FBXO6: variants seen among roughly 807,000 people sequenced by gnomAD.
The protein encoded by FBXO6 is F-box only protein 6.
In FBXO6, 13 loss-of-function variants were observed where a neutral mutation model predicts 25.0. That is an observed-to-expected ratio of 0.52 (90% CI 0.34 to 0.83). The LOEUF (loss-of-function observed/expected upper bound fraction) is 0.83. Ranked by LOEUF, FBXO6 falls within the 40% of genes least tolerant of loss-of-function variation. FBXO6 has a pLI of 0.02. For synonymous variants in FBXO6, 138 were observed against 155.3 expected, an observed-to-expected ratio of 0.89 and a Z score of 0.83; for missense variants, 370 against 380.2, an observed-to-expected ratio of 0.97 and a Z score of 0.22.
intron 1 of FBXO6, among the ~76,000 whole-genome samples, chr1:11,666,982 A>C (rs1029849867): frequency 2.0e-5 from 3 of 152,052 alleles, no homozygotes; most frequent in Non-Finnish European, 2.9e-5. Context: ...CCCTGTCTCT[A>C]CTAAAAATAC....
intron 1 of FBXO6, among the ~76,000 whole-genome samples, chr1:11,666,672 G>T (rs1292796715): frequency 6.6e-6 from 1 of 152,060 alleles, no homozygotes; most frequent in Admixed American, 6.5e-5. Flanking sequence ...TTGAGCCACC[G>T]CACCCGGCCT....
chr1:11,665,042 C>CATCT (rs1553166527), intron 1 of FBXO6, among the ~76,000 whole-genome samples: 1 of 150,576 alleles, frequency 6.6e-6, no homozygotes, highest in East Asian at 1.9e-4. Context: ...AAGCTGCCAG[C>CATCT]ATTTATTTAT....
chr1:11,668,223 T>A (rs2100689015), intron 1 of FBXO6, among the ~76,000 whole-genome samples: 2 of 152,242 alleles, frequency 1.3e-5, no homozygotes, highest in African/African-American at 4.8e-5. Context: ...CACAACCCAC[T>A]GGCTTTAAAA....
chr1:11,666,131 C>T (rs1180509243), intron 1 of FBXO6, among the ~76,000 whole-genome samples: 1 of 144,532 alleles, frequency 6.9e-6, no homozygotes, highest in Non-Finnish European at 1.5e-5. Context: ...CCAGCAGGCT[C>T]CTTCTTTCCC....
At chr1:11,668,546 G>A (rs1037567661) in intron 1 of FBXO6, 110 bp from the exon 2 acceptor site, 17 of 1,367,918 alleles carry the variant, frequency 1.2e-5, no homozygotes, top group Non-Finnish European at 1.6e-5. Context: ...CCAGGCATGT[G>A]CCACCACACC....
chr1:11,669,921 G>A (rs1261085838), intron 2 of FBXO6, among the ~76,000 whole-genome samples: 1 of 139,092 alleles, frequency 7.2e-6, no homozygotes, highest in African/African-American at 2.6e-5. Flanking sequence ...ACAGGCGTGA[G>A]CCACCACACC....
rs866540159 is a variant in FBXO6 at position 11,664,242 on chromosome 1, C to T, written c.-17C>T. 2 of 152,312 alleles carry T rather than the reference C, an allele frequency of 1.3e-5. No individual in the cohort carries two copies. The highest frequency in any genetic ancestry group is 3.4e-3 in the Middle Eastern group (1 of 294). The allele number at this position is 152,312 out of a possible 1,614,324, so 9.4% of individuals were successfully genotyped here. The stretch of plus-strand genomic sequence containing the variant: ...CGCAGGCCGCAGCGAGGGCCCGGGC[C>T]CTGGGGATCCCAGGTTCGTCTTCCC... On this transcript the variant is annotated 5_prime_UTR_variant, in exon 1 of 6. Transcript: ENST00000376753.
In FBXO6 at chr1:11,673,398, G is replaced by A. The variant is rs1640683663; in HGVS notation, c.631G>A (p.Ala211Thr). Residue 211 changes from alanine to threonine, a missense_variant, in exon 5 of 6, where the codon GCC (alanine) becomes ACC (threonine). Ala to Thr is a moderately conservative substitution (Grantham distance 58). Transcript: ENST00000376753. The surrounding 1 kb of genome is among the most constrained non-coding windows in gnomAD (Gnocchi z 4.3). ...PPVTIQQWNN[A>T]TWTEVSYTFS... ...TGTGACCATCCAACAGTGGAACAAT[G>A]CCACATGGACAGAGGTGAGGCCTCA... 6.2e-7 allele frequency: 1 copy of A among 1,613,886 alleles called. No homozygotes were observed. The highest frequency in any genetic ancestry group is 1.7e-5 in the Admixed American group (1 of 60,002).
Position 11,668,651 on chromosome 1 carries a change from C to G in FBXO6, c.-3-5C>G, listed in dbSNP as rs1417805447. ...TCAGGCTCATAACTGCTGTTGCCCC[C>G]ACAGGCCATGGATGCTCCCCACTCC... is the stretch of plus-strand genomic sequence containing the variant. On this transcript the variant is annotated splice_polypyrimidine_tract_variant and splice_region_variant and intron_variant, in intron 1 of 5. Coordinates refer to ENST00000376753, the MANE Select transcript of FBXO6 (RefSeq NM_018438.6). 6 of 1,606,210 alleles carry G rather than the reference C, an allele frequency of 3.7e-6. No individual in the cohort carries two copies. The Admixed American group carries it at 6.7e-5, about 18-fold the overall frequency.
At position 11,673,440 on chromosome 1, in the gene FBXO6, AC is replaced by A; in HGVS notation, c.645+31del. On this transcript the variant is annotated intron_variant, in intron 5 of 5. Coordinates refer to ENST00000376753, the MANE Select transcript of FBXO6 (RefSeq NM_018438.6). The surrounding 1 kb of genome is among the most constrained non-coding windows in gnomAD (Gnocchi z 4.3). ...GAGGCCTCACCCACTTGCTCTCTCT[AC>A]CCACTCCTCCCAGGGCCAGGATGGC... 6.2e-7 allele frequency: 1 copy of A among 1,609,452 alleles called. No homozygotes were observed. The highest frequency in any genetic ancestry group is 8.5e-7 in the Non-Finnish European group (1 of 1,177,282).
chr1:11,671,235 G>C (rs1167325436), intron 2 of FBXO6, 31 bp from the exon 3 acceptor site: 1 of 1,607,602 alleles, frequency 6.2e-7, no homozygotes, highest in Non-Finnish European at 8.5e-7. Context: ...ATTTACACAG[G>C]GGGTCTCACC....
In FBXO6 at chr1:11,671,329, C is replaced by G. The variant is rs374415726; in HGVS notation, c.350C>G (p.Pro117Arg). 1.2e-6 allele frequency: 2 copies of G among 1,614,154 alleles called. No individual in the cohort carries two copies. The highest frequency in any genetic ancestry group is 2.7e-5 in the African/African-American group (2 of 75,024). Residue 117 changes from proline (P) to arginine (R), a missense_variant, in exon 3 of 6, where the codon CCT becomes CGT. Coordinates refer to ENST00000376753, the MANE Select transcript of FBXO6 (RefSeq NM_018438.6). Reference sequence around the variant, plus strand: ...GACCGCTGGAAGGTGGAGAGCCTCCCTGGAGCCCACGGGACAGATTTTCCT... The same window carrying G: ...GACCGCTGGAAGGTGGAGAGCCTCCGTGGAGCCCACGGGACAGATTTTCCT... ...GGDRWKVESL[P>R]GAHGTDFPDP...
intron 4 of FBXO6, among the ~76,000 whole-genome samples, chr1:11,672,634 C>T (rs1640652229): frequency 6.6e-6 from 1 of 152,212 alleles, no homozygotes; most frequent in Non-Finnish European, 1.5e-5. Context: ...CCTCAGCCCT[C>T]TCTGGACTGG....
chr1:11,666,442 T>C (rs3117068), intron 1 of FBXO6, among the ~76,000 whole-genome samples: 90,548 of 149,250 alleles, frequency 0.61, 28,453 homozygotes, highest in African/African-American at 0.78. Context: ...AGTGCAGTGG[T>C]GCAATCTCGG....
intron 2 of FBXO6, among the ~76,000 whole-genome samples, chr1:11,670,459 C>A (rs1469800585): frequency 6.6e-6 from 1 of 152,066 alleles, no homozygotes; most frequent in Non-Finnish European, 1.5e-5. Flanking sequence ...TCTTGGTTCC[C>A]ATGACCCACC....
Position 11,668,869 on chromosome 1 carries a change from C to G in FBXO6, c.211C>G (p.Pro71Ala). The G allele has an allele frequency of 6.2e-7, 1 of 1,614,168 alleles. No individual in the cohort carries two copies. Among genetic ancestry groups the G allele is most frequent in the Non-Finnish European group, 8.5e-7 (1 of 1,180,024 alleles). ...CTTCATCACCAAGGACTGGGACCAG[C>G]CCGTGGCCGACTGGAAAATCTTCTA... ...EGFITKDWDQ[P>A]VADWKIFYFL... The change falls in exon 2 of 6, where the codon CCC becomes GCC. Residue 71 changes from proline to alanine, a missense_variant. By Grantham distance (27) the Pro-to-Ala change is conservative. Coordinates refer to ENST00000376753, the MANE Select transcript of FBXO6 (RefSeq NM_018438.6).
chr1:11,667,620 C>G (rs892085554), intron 1 of FBXO6, among the ~76,000 whole-genome samples: 4 of 151,824 alleles, frequency 2.6e-5, no homozygotes, highest in African/African-American at 9.7e-5. Flanking sequence ...CCGGCCATCT[C>G]CAAGTGGATT....
At chr1:11,669,687 CGTATATAT>C (rs1557673034) in intron 2 of FBXO6, among the ~76,000 whole-genome samples, 5 of 132,578 alleles carry the variant, frequency 3.8e-5, no homozygotes, top group African/African-American at 1.5e-4. Context: ...CACATATATA[CGTATATAT>C]ACATATGTAT....
chr1:11,667,859 G>A (rs1170705205), intron 1 of FBXO6, among the ~76,000 whole-genome samples: 6 of 152,264 alleles, frequency 3.9e-5, no homozygotes, highest in Admixed American at 2.6e-4. Flanking sequence ...TTGGGAGGCC[G>A]AGGTGGGCGG....
Sources: allele counts gnomAD v4.1 joint callset (sites outside exome capture counted in the v4.1 genomes callset), GRCh38; gene constraint gnomAD v4.1.1; non-coding constraint Gnocchi (gnomAD v3.1); transcripts MANE v1.5; gene names NCBI Gene and HGNC (gene_info 2026-07-23, HGNC 2026-07-21).